BNC2: variants seen among roughly 807,000 people sequenced by gnomAD.
BNC2 encodes basonuclin zinc finger protein 2.
A neutral mutation model predicts 76.3 loss-of-function variants in BNC2; 20 were observed. The ratio of observed to expected loss-of-function variants is 0.26; its 90% CI spans 0.18 to 0.38. The LOEUF (loss-of-function observed/expected upper bound fraction) is 0.38, where lower values mean the gene tolerates loss of function less well. Among genes scored for constraint, BNC2 ranks in the 10% least tolerant of loss-of-function variants. The pLI, the probability that BNC2 is intolerant of heterozygous loss-of-function variation, is 1.00. For synonymous variants in BNC2, 582 were observed against 514.8 expected (o/e 1.13, Z -1.77); for missense variants, 1,382 against 1,399.8 (o/e 0.99, Z 0.20).
intron 5 of BNC2, among the ~76,000 whole-genome samples, chr9:16,495,067 G>C (rs769860985): frequency 7.9e-5 from 12 of 152,186 alleles, no homozygotes; most frequent in Non-Finnish European, 1.2e-4. Context: ...CCATGAGTTG[G>C]AGTAAAGAAC....
intron 3 of BNC2, among the ~76,000 whole-genome samples, chr9:16,598,457 G>A (rs924302761): frequency 3.3e-5 from 5 of 152,178 alleles, no homozygotes; most frequent in African/African-American, 1.2e-4. Context: ...TGCAAAAGTT[G>A]CTGTTCAGAA....
intron 3 of BNC2, among the ~76,000 whole-genome samples, chr9:16,668,849 A>C (rs1261449470): frequency 2.2e-4 from 33 of 152,182 alleles, no homozygotes; most frequent in Admixed American, 2.2e-3. Flanking sequence ...CACAGATTTT[A>C]AATTATTATA....
rs1821334352 is a variant in BNC2 at position 16,636,566 on chromosome 9, G to A, written c.331-53481C>T. On this transcript the variant is annotated intron_variant, in intron 3 of 6. Coordinates refer to ENST00000380672, the MANE Select transcript of BNC2 (RefSeq NM_017637.6). ...GATCCTCCTACCTCGGCCTCCCAAA[G>A]TGCTAGGATTACAGGTGTGAGCCGC... Among the ~76,000 whole-genome samples, 3 of 152,160 alleles carry A rather than the reference G, an allele frequency of 2.0e-5. No individual in the cohort carries two copies. The South Asian group carries it at 6.2e-4, about 32-fold the overall frequency.
intron 1 of BNC2, among the ~76,000 whole-genome samples, chr9:16,767,423 G>T (rs1162416024): frequency 6.6e-6 from 1 of 152,210 alleles, no homozygotes; most frequent in East Asian, 1.9e-4. Flanking sequence ...CATGCTAAGG[G>T]ATATGGGAGA....
chr9:16,633,855 C>T (rs1451073797), intron 3 of BNC2, among the ~76,000 whole-genome samples: 2 of 152,084 alleles, frequency 1.3e-5, no homozygotes, highest in Non-Finnish European at 2.9e-5. Context: ...TCTGAATTAC[C>T]AAAAACATAC....
chr9:16,569,453 C>A (rs1352131737), intron 4 of BNC2, among the ~76,000 whole-genome samples: 1 of 152,124 alleles, frequency 6.6e-6, no homozygotes, highest in Non-Finnish European at 1.5e-5. Flanking sequence ...AGGGTAGACA[C>A]TGAGCTCCAC....
At chr9:16,441,754 T>C (rs549842298) in intron 5 of BNC2, among the ~76,000 whole-genome samples, 19 of 152,342 alleles carry the variant, frequency 1.2e-4, no homozygotes, top group African/African-American at 4.6e-4. Flanking sequence ...CATGATACAT[T>C]TTTTTAGTCA....
Position 16,846,072 on chromosome 9 carries a change from G to A in BNC2, c.3+24574C>T, listed in dbSNP as rs181856973. 9.0e-4 allele frequency among the ~76,000 whole-genome samples: 137 copies of A among 151,638 alleles called. 4 individuals are homozygous for A. The East Asian group carries it at 0.02, about 22-fold the overall frequency. On this transcript the variant is annotated intron_variant, in intron 1 of 6. Transcript: ENST00000380672. The stretch of plus-strand genomic sequence containing the variant: ...GGAGAATGGCGTGAACCCAGGAGAC[G>A]GAGCTTGCACTGACCCCAGATCGCG...
intron 5 of BNC2, among the ~76,000 whole-genome samples, chr9:16,441,308 C>A (rs190199631): frequency 1.2e-4 from 19 of 152,052 alleles, no homozygotes; most frequent in African/African-American, 3.9e-4. Flanking sequence ...TCTCAAAAAC[C>A]AAAAAATCAT....
At chr9:16,478,466 G>A (rs1268389166) in intron 5 of BNC2, among the ~76,000 whole-genome samples, 1 of 152,182 alleles carries the variant, frequency 6.6e-6, no homozygotes. Context: ...TTCTTAAAAA[G>A]GCATATGACA....
At chr9:16,706,380 T>G (rs930244455) in intron 3 of BNC2, among the ~76,000 whole-genome samples, 1 of 152,204 alleles carries the variant, frequency 6.6e-6, no homozygotes, top group Non-Finnish European at 1.5e-5. Flanking sequence ...CAAAGTCCCC[T>G]CTTTTTGCCC....
chr9:16,743,273 G>A lies in BNC2; in HGVS notation c.4-4788C>T, dbSNP rs147600455. ...TGCTACATGCATAGCACAGAATTTC[G>A]AATTTATTAATCTAAGGTTTAGAGG... On this transcript the variant is annotated intron_variant, in intron 1 of 6. Coordinates refer to ENST00000380672, the MANE Select transcript of BNC2 (RefSeq NM_017637.6). Among the ~76,000 whole-genome samples the A allele has an allele frequency of 2.4e-4, 36 of 152,138 alleles. No homozygotes were observed. In the East Asian group the frequency reaches 5.2e-3, roughly 22 times the overall value.
At chr9:16,568,796 C>T (rs1819236507) in intron 4 of BNC2, among the ~76,000 whole-genome samples, 1 of 152,092 alleles carries the variant, frequency 6.6e-6, no homozygotes, top group Admixed American at 6.6e-5. Flanking sequence ...AGGCAGGCAA[C>T]AATTGTGATT....
chr9:16,869,988 A>C (rs1015149560), intron 1 of BNC2, among the ~76,000 whole-genome samples: 1 of 152,182 alleles, frequency 6.6e-6, no homozygotes, highest in Non-Finnish European at 1.5e-5. Flanking sequence ...GCACTTCGAA[A>C]AGAGCCGTCT....
intron 3 of BNC2, among the ~76,000 whole-genome samples, chr9:16,605,374 A>G (rs529448701): frequency 6.6e-6 from 1 of 152,332 alleles, no homozygotes; most frequent in Non-Finnish European, 1.5e-5. Context: ...TTTCCCTCTT[A>G]GGAGGGTATC....
rs10962502 is a variant in BNC2, at chr9:16,593,827, A to G, written c.331-10742T>C. 3.3e-3 allele frequency among the ~76,000 whole-genome samples: 506 copies of G among 152,212 alleles called. 3 individuals are homozygous for G. The highest frequency in any genetic ancestry group is 6.0e-3 in the Non-Finnish European group (406 of 67,976). On this transcript the variant is annotated intron_variant, in intron 3 of 6. Transcript: ENST00000380672. ...GGGGTTAGCTCGCCATTAAAAAAAG[A>G]AAAACACACATTTTAACTCAGTCTA...
At chr9:16,545,835 G>A (rs1463195589) in intron 5 of BNC2, among the ~76,000 whole-genome samples, 2 of 152,074 alleles carry the variant, frequency 1.3e-5, no homozygotes, top group African/African-American at 2.4e-5. Context: ...ACCTGGATGA[G>A]GAATCTACGA....
intron 2 of BNC2, among the ~76,000 whole-genome samples, chr9:16,738,048 A>G (rs1315488550): frequency 6.6e-6 from 1 of 152,226 alleles, no homozygotes; most frequent in Non-Finnish European, 1.5e-5. Context: ...AACTAGCCCT[A>G]GAACAATAGG....
In BNC2 at chr9:16,749,722, G is replaced by A. The variant is rs186001102; in HGVS notation, c.4-11237C>T. Among the ~76,000 whole-genome samples the A allele has an allele frequency of 2.0e-4, 30 of 151,306 alleles. No homozygotes were observed. The East Asian group carries it at 3.3e-3, about 17-fold the overall frequency. ...GCTTTAAAAAAAAAAAAAAAATAGT[G>A]TAAGGATGTAAAGATGCACTGTTCC... is the stretch of plus-strand genomic sequence containing the variant. On this transcript the variant is annotated intron_variant, in intron 1 of 6. Transcript: ENST00000380672.
Sources: gnomAD v4.1 joint callset for allele counts (sites outside exome capture counted in the v4.1 genomes callset) on GRCh38, gnomAD v4.1.1 for gene constraint, MANE v1.5 for transcripts, NCBI Gene and HGNC (gene_info 2026-07-23, HGNC 2026-07-21) for gene names.